NLRC3: variants seen among roughly 807,000 people sequenced by gnomAD.
NLRC3 encodes the protein NLR family CARD domain containing 3, also known as NLR family CARD domain-containing protein 3.
In NLRC3, 87 loss-of-function variants were observed where a neutral mutation model predicts 91.6. The observed-to-expected ratio is 0.95, with a 90% CI of 0.80 to 1.14. The LOEUF is 1.14. Ranked by LOEUF, NLRC3 falls within the 50% of genes most tolerant of loss-of-function variation. The probability of loss-of-function intolerance (pLI) is 0.00; values close to 1 mark genes in which losing one functional copy is unlikely to be tolerated. For missense variants in NLRC3, 1,577 were observed against 1,418.6 expected (o/e 1.11, Z -1.79); for synonymous variants, 694 against 625.3 (o/e 1.11, Z -1.64).
At chr16:3,569,958 G>T (rs74944226) in intron 1 of NLRC3, among the ~76,000 whole-genome samples, 2,566 of 152,264 alleles carry the variant, frequency 0.017, 75 homozygotes, top group African/African-American at 0.052. Context: ...TGCATATTCT[G>T]TTAAGCACTG....
At chr16:3,576,169 G>T (rs2040283500) in intron 1 of NLRC3, among the ~76,000 whole-genome samples, 1 of 152,190 alleles carries the variant, frequency 6.6e-6, no homozygotes, top group African/African-American at 2.4e-5. Flanking sequence ...GTCACCTCCA[G>T]GGAGGGGTCC....
At position 3,552,078 on chromosome 16, in the gene NLRC3, C is replaced by T. The variant is rs1308125372; in HGVS notation, c.2351+118G>A. 4.4e-6 allele frequency: 3 copies of T among 675,118 alleles called. No homozygotes were observed. In the African/African-American group the frequency reaches 5.3e-5, roughly 12 times the overall value. 41.8% of individuals were successfully genotyped at this position (675,118 alleles called of 1,614,324 possible). ...CCATCCATCCATCCACCCACCCATCCATCCATTCACCTATCCATCAATCCA... is the reference window on the plus strand; with the variant it reads ...CCATCCATCCATCCACCCACCCATCTATCCATTCACCTATCCATCAATCCA... On this transcript the variant is annotated intron_variant, in intron 10 of 19. Transcript: ENST00000359128.
chr16:3,571,541 C>T (rs2040096226), intron 1 of NLRC3, among the ~76,000 whole-genome samples: 1 of 127,024 alleles, frequency 7.9e-6, no homozygotes. Context: ...AAGACCCTGG[C>T]TTTAAAAAAA....
In NLRC3 at chr16:3,549,182, C is replaced by T. The variant is rs371919795; in HGVS notation, c.2563G>A (p.Ala855Thr). The T allele has an allele frequency of 7.6e-6, 12 of 1,588,910 alleles. No individual in the cohort carries two copies. The highest frequency in any genetic ancestry group is 4.0e-5 in the African/African-American group (3 of 74,468). The stretch of plus-strand genomic sequence containing the variant: ...GTGCTGTTGGCGCAGAGGGCATGAG[C>T]GATGGCCTGGGCTCCCTCGGGACTG... ...SISPEGAQAI[A>T]HALCANSTLK... The change falls in exon 13 of 20, where the codon GCT becomes ACT. Residue 855 changes from alanine to threonine, a missense_variant. By Grantham distance (58) the Ala-to-Thr change is moderately conservative. Transcript: ENST00000359128.
intron 10 of NLRC3, among the ~76,000 whole-genome samples, chr16:3,550,813 G>A (rs1280167331): frequency 6.6e-6 from 1 of 152,200 alleles, no homozygotes. Flanking sequence ...TGGGAAGACA[G>A]TAAATGTGAG....
intron 8 of NLRC3, among the ~76,000 whole-genome samples, chr16:3,555,410 T>C (rs1010970244): frequency 2.6e-5 from 4 of 151,980 alleles, no homozygotes; most frequent in African/African-American, 9.7e-5. Flanking sequence ...GGGAAGCAGA[T>C]TGGTGATTGT....
chr16:3,548,679 G>A lies in NLRC3; in HGVS notation c.2678C>T (p.Thr893Ile). Residue 893 changes from threonine (T) to isoleucine (I), a missense_variant, in exon 14 of 20, where the codon ACC becomes ATC. By Grantham distance (89) the Thr-to-Ile change is moderately conservative (BLOSUM62 -1). Coordinates refer to ENST00000359128, the MANE Select transcript of NLRC3 (RefSeq NM_178844.4). ...AGAGCTGCAGACTCACTGAAGGGAG[G>A]TGAGGGTGCGGTTTTCTCTCACTGC... ...AVAVRENRTL[T>I]SLHLQWNFIQ... 2 of 1,587,010 alleles carry A rather than the reference G, an allele frequency of 1.3e-6. No individual in the cohort carries two copies. Among genetic ancestry groups the A allele is most frequent in the Non-Finnish European group, 1.7e-6 (2 of 1,166,122 alleles).
At chr16:3,574,605 C>G (rs946277326) in intron 1 of NLRC3, among the ~76,000 whole-genome samples, 1 of 152,174 alleles carries the variant, frequency 6.6e-6, no homozygotes. Context: ...CCCTCCTGAT[C>G]AGACACCCAT....
At chr16:3,553,437 A>C (rs2039116173) in intron 9 of NLRC3, among the ~76,000 whole-genome samples, 1 of 152,202 alleles carries the variant, frequency 6.6e-6, no homozygotes, top group Non-Finnish European at 1.5e-5. Context: ...TAAAAGCTTT[A>C]CTTTTCCTTT....
chr16:3,562,225 C>A (rs1405112374), intron 5 of NLRC3, among the ~76,000 whole-genome samples: 4 of 152,160 alleles, frequency 2.6e-5, no homozygotes, highest in East Asian at 3.8e-4. Context: ...AGTCCTAACC[C>A]CCTGTGCCCC....
intron 6 of NLRC3, among the ~76,000 whole-genome samples, chr16:3,560,845 G>T (rs928135083): frequency 2.0e-5 from 3 of 151,392 alleles, no homozygotes; most frequent in African/African-American, 7.3e-5. Context: ...ATTTTTAGTA[G>T]AGACAGGGTT....
chr16:3,566,447 C>A (rs1047091386), intron 2 of NLRC3, among the ~76,000 whole-genome samples: 4 of 152,014 alleles, frequency 2.6e-5, no homozygotes, highest in African/African-American at 9.7e-5. Flanking sequence ...AAAAATTAGC[C>A]GGGGAGGGTG....
chr16:3,575,465 G>A (rs1362426919), intron 1 of NLRC3, among the ~76,000 whole-genome samples: 6 of 152,206 alleles, frequency 3.9e-5, no homozygotes, highest in African/African-American at 1.2e-4. Flanking sequence ...TGCTTTGGGG[G>A]ATCTGAAGGC....
intron 1 of NLRC3, among the ~76,000 whole-genome samples, chr16:3,575,378 C>T (rs79348581): frequency 0.05 from 7,634 of 152,278 alleles, 243 homozygotes; most frequent in Admixed American, 0.069. Flanking sequence ...AGGCCGCAGA[C>T]GCCACTATGG....
chr16:3,547,121 C>T (rs1276582111), intron 15 of NLRC3, among the ~76,000 whole-genome samples: 1 of 152,206 alleles, frequency 6.6e-6, no homozygotes, highest in African/African-American at 2.4e-5. Context: ...AGCACCGTTC[C>T]TAACAGCCAA....
chr16:3,549,249 G>C (rs1212343892), intron 12 of NLRC3, 24 bp from the exon 13 acceptor site: 1 of 1,529,794 alleles, frequency 6.5e-7, no homozygotes, highest in Non-Finnish European at 8.9e-7. Context: ...AAAGACCTGA[G>C]CTTCTGACCG....
chr16:3,560,675 ACT>A (rs1301367603), intron 6 of NLRC3, among the ~76,000 whole-genome samples: 1 of 151,974 alleles, frequency 6.6e-6, no homozygotes, highest in Admixed American at 6.6e-5. Flanking sequence ...ACGGAGTCTC[ACT>A]CTGTCACCCA....
rs564484779 is a variant in NLRC3 at position 3,564,420 on chromosome 16, G to A, written c.517C>T (p.Leu173=). Residue 173 remains leucine (L), a synonymous_variant, in exon 5 of 20, where the codon CTG becomes TTG. Transcript: ENST00000359128. The surrounding 1 kb of genome is among the most constrained non-coding windows in gnomAD (Gnocchi z 5.9). ...AHGQVGKDFS[L]VLPLTFRDLN... is the part of the protein sequence containing the mutation. ...TCCCGGAAGGTCAGAGGCAGCACCA[G>A]CGAGAAGTCCTTGCCGACCTGCCCA... 9.3e-6 allele frequency: 15 copies of A among 1,612,738 alleles called. No homozygotes were observed. The highest frequency in any genetic ancestry group is 2.2e-5 in the East Asian group (1 of 44,882).
intron 1 of NLRC3, among the ~76,000 whole-genome samples, chr16:3,574,340 G>T (rs558819575): frequency 3.4e-4 from 52 of 152,258 alleles, no homozygotes; most frequent in African/African-American, 1.2e-3. Flanking sequence ...ACCACCCAGA[G>T]ATTTGATTGG....
Sources: gnomAD v4.1 joint callset for allele counts (sites outside exome capture counted in the v4.1 genomes callset) on GRCh38, gnomAD v4.1.1 for gene constraint, Gnocchi (gnomAD v3.1) non-coding constraint, MANE v1.5 for transcripts, NCBI Gene and HGNC (gene_info 2026-07-23, HGNC 2026-07-21) for gene names.